The following GULP1 variants were observed in gnomAD, a reference collection of about 807,000 sequenced individuals.
GULP1 encodes GULP PTB domain containing engulfment adaptor 1, also known as PTB domain-containing engulfment adapter protein 1.
In GULP1, 19 loss-of-function variants were observed where a neutral mutation model predicts 40.9. The ratio of observed to expected loss-of-function variants is 0.46; its 90% CI spans 0.32 to 0.68. The LOEUF (loss-of-function observed/expected upper bound fraction) is 0.68. GULP1 is among the 30% of genes least tolerant of loss of function. The probability of loss-of-function intolerance (pLI) is 0.03; values close to 1 mark genes in which losing one functional copy is unlikely to be tolerated. For synonymous variants in GULP1, 119 were observed against 117.6 expected (o/e 1.01, Z -0.08); for missense variants, 312 against 362.2 (o/e 0.86, Z 1.12).
chr2:188,461,325 T>G (rs1418275883), intron 2 of GULP1, among the ~76,000 whole-genome samples: 2 of 150,938 alleles, frequency 1.3e-5, no homozygotes, highest in Admixed American at 1.3e-4. Flanking sequence ...AAGCTTTTTT[T>G]TTTTTTTTTT....
chr2:188,544,370 A>G (rs11904835), intron 7 of GULP1, among the ~76,000 whole-genome samples: 148,136 of 151,964 alleles, frequency 0.97, 72,331 homozygotes, highest in East Asian at 1. Flanking sequence ...AATGTAGAAA[A>G]TCTTATCAAA....
At chr2:188,486,178 A>T (rs191887142) in intron 4 of GULP1, among the ~76,000 whole-genome samples, 8 of 152,092 alleles carry the variant, frequency 5.3e-5, no homozygotes, top group Admixed American at 4.6e-4. Flanking sequence ...TAAAAAAGTC[A>T]GTTTGAATCA....
At chr2:188,586,866 C>A (rs1175042405) in intron 10 of GULP1, among the ~76,000 whole-genome samples, 1 of 151,612 alleles carries the variant, frequency 6.6e-6, no homozygotes, top group African/African-American at 2.4e-5. Flanking sequence ...AATATTATTT[C>A]TTTTTTAATT....
At position 188,533,428 on chromosome 2, in the gene GULP1, T is replaced by A. The variant is rs149142778; in HGVS notation, c.261+4233T>A. 5.9e-5 allele frequency among the ~76,000 whole-genome samples: 9 copies of A among 152,296 alleles called. No individual in the cohort carries two copies. The East Asian group carries it at 1.2e-3, about 20-fold the overall frequency. ...GTGCTGGGATACCTGGCTAGCCATATGGAAGAGATTGAAACTGGACCCTTA... is the reference window on the plus strand; with the variant it reads ...GTGCTGGGATACCTGGCTAGCCATAAGGAAGAGATTGAAACTGGACCCTTA... On this transcript the variant is annotated intron_variant, in intron 6 of 11. Coordinates refer to ENST00000409830, the MANE Select transcript of GULP1 (RefSeq NM_016315.4).
intron 2 of GULP1, among the ~76,000 whole-genome samples, chr2:188,439,356 T>C (rs2057717469): frequency 6.6e-6 from 1 of 152,128 alleles, no homozygotes; most frequent in Non-Finnish European, 1.5e-5. Flanking sequence ...ACCATTAAAT[T>C]AAAGTTAGAA....
rs987720099 is a variant in GULP1, at chr2:188,567,159, A to G, written c.400-2080A>G. ...GATGCTGGCAAGGCTGTGGAGAAATATAAATGTTTTTACACTGTTGGTGGG... is the reference window on the plus strand; with the variant it reads ...GATGCTGGCAAGGCTGTGGAGAAATGTAAATGTTTTTACACTGTTGGTGGG... On this transcript the variant is annotated intron_variant, in intron 7 of 11. Coordinates refer to ENST00000409830, the MANE Select transcript of GULP1 (RefSeq NM_016315.4). Among the ~76,000 whole-genome samples, 8 of 152,290 alleles carry G rather than the reference A, an allele frequency of 5.3e-5. No homozygotes were observed. The East Asian group carries it at 1.4e-3, about 26-fold the overall frequency.
In GULP1 at chr2:188,541,333, T is replaced by G. The variant is rs774546230; in HGVS notation, c.399+15T>G. 10 of 1,609,322 alleles carry G rather than the reference T, an allele frequency of 6.2e-6. No individual in the cohort carries two copies. Among genetic ancestry groups the G allele is most frequent in the Middle Eastern group, 1.7e-4 (1 of 6,040 alleles). On this transcript the variant is annotated intron_variant, in intron 7 of 11. Coordinates refer to ENST00000409830, the MANE Select transcript of GULP1 (RefSeq NM_016315.4). ...GCGAAAAGTGTGTAAGTATCCCAGA[T>G]GTTGTAGGGTGGTTTGTTCTGTTTT...
intron 2 of GULP1, among the ~76,000 whole-genome samples, chr2:188,404,849 T>C (rs1433490323): frequency 1.3e-5 from 2 of 152,062 alleles, no homozygotes; most frequent in Non-Finnish European, 2.9e-5. Flanking sequence ...GGTTGGCCCA[T>C]GCAACCCAGG....
intron 2 of GULP1, among the ~76,000 whole-genome samples, chr2:188,463,608 A>T (rs1035007070): frequency 4.0e-5 from 6 of 151,446 alleles, no homozygotes; most frequent in Admixed American, 6.6e-5. Context: ...CTTTTTCTCT[A>T]CCTTCTCTTT....
chr2:188,553,275 G>C (rs1693960431), intron 7 of GULP1, among the ~76,000 whole-genome samples: 1 of 151,842 alleles, frequency 6.6e-6, no homozygotes, highest in Admixed American at 6.6e-5. Context: ...TAGAGGAAAG[G>C]CTTTCAACAT....
intron 1 of GULP1, among the ~76,000 whole-genome samples, chr2:188,306,856 T>G (rs542925036): frequency 6.6e-6 from 1 of 152,190 alleles, no homozygotes; most frequent in Non-Finnish European, 1.5e-5. Context: ...AGTGGAAGCC[T>G]AGTTTAGAGG....
At chr2:188,588,728 G>A (rs1702913471) in intron 11 of GULP1, 1 of 152,028 alleles carries the variant, frequency 6.6e-6, no homozygotes, top group Non-Finnish European at 1.5e-5. Context: ...ACTAAAGTAA[G>A]GAGAAGGAGG....
intron 4 of GULP1, among the ~76,000 whole-genome samples, chr2:188,510,622 A>C (rs181815510): frequency 1.1e-3 from 168 of 152,196 alleles, no homozygotes; most frequent in African/African-American, 4.0e-3. Context: ...CTCACTAAGA[A>C]ACAGAATAAA....
At position 188,312,127 on chromosome 2, in the gene GULP1, T is replaced by C. The variant is rs138833051; in HGVS notation, c.-172+19961T>C. Among the ~76,000 whole-genome samples, 1,448 of 152,158 alleles carry C rather than the reference T, an allele frequency of 9.5e-3. 8 individuals are homozygous for C. The highest frequency in any genetic ancestry group is 0.016 in the Non-Finnish European group (1,064 of 67,992). On this transcript the variant is annotated intron_variant, in intron 1 of 11. Transcript: ENST00000409830. ...TTGTCTTTCTGTTATGTCATATCTC[T>C]TTATGTTTTTTTCTTTAAAATACCT...
chr2:188,473,155 TTCTC>T (rs147222438), intron 2 of GULP1, among the ~76,000 whole-genome samples: 18 of 120,712 alleles, frequency 1.5e-4, no homozygotes, highest in East Asian at 1.1e-3. Flanking sequence ...GGGTCTCTCT[TTCTC>T]TCTCTCTCTC....
chr2:188,465,680 C>T (rs58988512), intron 2 of GULP1, among the ~76,000 whole-genome samples: 1,652 of 152,144 alleles, frequency 0.011, 33 homozygotes, highest in African/African-American at 0.037. Context: ...CCTCCTTGGG[C>T]GAGCGTCACC....
intron 2 of GULP1, among the ~76,000 whole-genome samples, chr2:188,446,737 A>G (rs1309786527): frequency 6.6e-6 from 1 of 152,230 alleles, no homozygotes; most frequent in Non-Finnish European, 1.5e-5. Flanking sequence ...TTATATACAA[A>G]GAAAATCAGT....
At chr2:188,501,310 C>G (rs2063412487) in intron 4 of GULP1, among the ~76,000 whole-genome samples, 1 of 151,832 alleles carries the variant, frequency 6.6e-6, no homozygotes, top group Admixed American at 6.6e-5. Flanking sequence ...CTCTCTCGTT[C>G]TTTCTCCTGC....
chr2:188,368,947 A>ATATATATATATATATATGTGTGTG (rs1269103211), intron 1 of GULP1, among the ~76,000 whole-genome samples: 11 of 77,262 alleles, frequency 1.4e-4, no homozygotes, highest in Admixed American at 2.5e-4. Flanking sequence ...GTGTATATAT[A>ATATATATATATATATATGTGTGTG]TATATATATA....
Sources: gnomAD v4.1 joint callset for allele counts (sites outside exome capture counted in the v4.1 genomes callset) on GRCh38, gnomAD v4.1.1 for gene constraint, MANE v1.5 for transcripts, NCBI Gene and HGNC (gene_info 2026-07-23, HGNC 2026-07-21) for gene names.